Variants in KLF8 observed in about 807,000 individuals in gnomAD.
KLF8 encodes the protein Krueppel-like factor 8.
In KLF8, 10 loss-of-function variants were observed where a neutral mutation model predicts 18.2. That is an observed-to-expected ratio of 0.55 (90% confidence interval 0.34 to 0.93). The LOEUF (loss-of-function observed/expected upper bound fraction) is 0.93, where lower values mean the gene tolerates loss of function less well. Ranked by LOEUF, KLF8 falls within the 40% of genes least tolerant of loss-of-function variation. KLF8 has a pLI of 0.02. For missense variants in KLF8, 264 were observed against 277.9 expected, an observed-to-expected ratio of 0.95 and a Z score of 0.36; for synonymous variants, 109 against 97.3, an observed-to-expected ratio of 1.12 and a Z score of -0.71.
At chrX:56,058,269 CATATATATACATATATAT>C in the KLF8 span, among the ~76,000 whole-genome samples, 29 of 15,965 alleles carry the variant, frequency 1.8e-3, no homozygotes, top group African/African-American at 5.7e-3. Context: ...CATATATATA[CATATATATACATATATAT>C]ATATATATAT....
chrX:56,081,388 A>G, the KLF8 span, among the ~76,000 whole-genome samples: 4 of 111,556 alleles, frequency 3.6e-5, no homozygotes, highest in Non-Finnish European at 7.5e-5. Context: ...TTTTATGTGG[A>G]TCTCTTGCGA....
chrX:55,941,569 C>G, the KLF8 span, among the ~76,000 whole-genome samples: 2 of 111,948 alleles, frequency 1.8e-5, no homozygotes, highest in African/African-American at 6.5e-5. Context: ...AAACCACCAT[C>G]AGAGTGAACA....
chrX:56,163,200 C>T, the KLF8 span, among the ~76,000 whole-genome samples: 4 of 111,977 alleles, frequency 3.6e-5, no homozygotes, highest in Non-Finnish European at 7.5e-5. Context: ...AACTAATTTA[C>T]ACCCCACCAA....
chrX:55,993,235 T>C, the KLF8 span, among the ~76,000 whole-genome samples: 1 of 111,371 alleles, frequency 9.0e-6, no homozygotes, highest in Non-Finnish European at 1.9e-5. Context: ...GGCTGTGAGT[T>C]TTCCATAGAT....
chrX:56,249,770 A>G (rs766563314), intron 1 of KLF8, among the ~76,000 whole-genome samples: 1 of 111,811 alleles, frequency 8.9e-6, no homozygotes, highest in South Asian at 3.8e-4. Context: ...GAAGAAAGAG[A>G]AAACTGTTTT....
intron 1 of KLF8, among the ~76,000 whole-genome samples, chrX:56,238,588 C>T (rs187533693): frequency 3.0e-3 from 333 of 111,950 alleles, no homozygotes; most frequent in African/African-American, 0.01. Context: ...CTCCCTCCCT[C>T]CCCTTTAAAA....
At chrX:56,183,179 C>T in the KLF8 span, among the ~76,000 whole-genome samples, 1 of 111,917 alleles carries the variant, frequency 8.9e-6, no homozygotes, top group Non-Finnish European at 1.9e-5. Context: ...GCAGACGCCC[C>T]TAACCCAGTC....
At chrX:56,096,913 TA>T in the KLF8 span, among the ~76,000 whole-genome samples, 1 of 111,214 alleles carries the variant, frequency 9.0e-6, no homozygotes, top group South Asian at 3.8e-4. Context: ...AAAATGACAC[TA>T]AAAGAACATT....
chrX:56,030,910 G>A, the KLF8 span, among the ~76,000 whole-genome samples: 2 of 109,578 alleles, frequency 1.8e-5, no homozygotes, highest in African/African-American at 6.7e-5. Flanking sequence ...AACCACTGTG[G>A]GGGATCTAAA....
chrX:56,187,628 A>T, the KLF8 span, among the ~76,000 whole-genome samples: 464 of 111,593 alleles, frequency 4.2e-3, 5 homozygotes, highest in African/African-American at 0.015. Flanking sequence ...TCCTCAATAA[A>T]ATACTGGCAA....
the KLF8 span, among the ~76,000 whole-genome samples, chrX:56,117,477 C>T: frequency 9.0e-6 from 1 of 110,708 alleles, no homozygotes; most frequent in Non-Finnish European, 1.9e-5. Context: ...CCTGGCTGCT[C>T]TATTGTGCTC....
the KLF8 span, among the ~76,000 whole-genome samples, chrX:56,194,732 G>A: frequency 2.1e-4 from 23 of 112,172 alleles, no homozygotes; most frequent in Admixed American, 2.2e-3. Context: ...TTTGAGCTTT[G>A]AGAACGGACA....
At chrX:55,961,652 A>G in the KLF8 span, 1 of 411,787 alleles carries the variant, frequency 2.4e-6, no homozygotes, top group Non-Finnish European at 4.6e-6. Flanking sequence ...AGATTTTTTA[A>G]GCTCAGCCAG....
the KLF8 span, among the ~76,000 whole-genome samples, chrX:56,198,915 G>T: frequency 9.0e-6 from 1 of 111,620 alleles, no homozygotes; most frequent in Non-Finnish European, 1.9e-5. Flanking sequence ...GAACAGAACA[G>T]AGGCCTCAGA....
the KLF8 span, among the ~76,000 whole-genome samples, chrX:56,146,472 A>G: frequency 9.0e-6 from 1 of 111,616 alleles, no homozygotes; most frequent in Non-Finnish European, 1.9e-5. Context: ...ACAGAAAATC[A>G]AACACCACAT....
Position 56,265,336 on chromosome X carries a change from A to T in KLF8, c.238A>T (p.Ser80Cys). 8.3e-7 allele frequency: 1 copy of T among 1,208,585 alleles called. No individual in the cohort carries two copies. Among genetic ancestry groups the T allele is most frequent in the Non-Finnish European group, 1.1e-6 (1 of 893,927 alleles). ...AGAAGAACTTTTGGCTAGTGATTTC[A>T]GCCTGCCCCAAGTGGAACCAGTTGA... ...PPEELLASDF[S>C]LPQVEPVDLS... Residue 80 changes from serine to cysteine, a missense_variant, in exon 3 of 6, where the codon AGC (serine) becomes TGC (cysteine). Physicochemically the swap from Ser to Cys is moderately radical, Grantham distance 112 (BLOSUM62 -1). Coordinates refer to ENST00000468660, the MANE Select transcript of KLF8 (RefSeq NM_007250.5).
the KLF8 span, among the ~76,000 whole-genome samples, chrX:56,105,740 T>C: frequency 1.8e-5 from 2 of 111,546 alleles, no homozygotes; most frequent in Non-Finnish European, 3.8e-5. Context: ...GTGTGAATTT[T>C]ATCCTGTCAT....
chrX:55,953,170 C>T, the KLF8 span, among the ~76,000 whole-genome samples: 142 of 111,569 alleles, frequency 1.3e-3, 2 homozygotes, highest in African/African-American at 4.3e-3. Context: ...TCCTGCCTGA[C>T]ATCTTGGAGC....
chrX:56,089,632 A>G, the KLF8 span, among the ~76,000 whole-genome samples: 1 of 112,414 alleles, frequency 8.9e-6, no homozygotes, highest in Non-Finnish European at 1.9e-5. Context: ...AAAGTTTGAG[A>G]CACAGACAGG....
Sources: gnomAD v4.1 joint callset for allele counts (sites outside exome capture counted in the v4.1 genomes callset) on GRCh38, gnomAD v4.1.1 for gene constraint, MANE v1.5 for transcripts, NCBI Gene and HGNC (gene_info 2026-07-23, HGNC 2026-07-21) for gene names.